The following TOX variants were observed in gnomAD, a reference collection of about 807,000 sequenced individuals.
The protein encoded by TOX is thymocyte selection-associated high mobility group box protein TOX.
In TOX, 11 loss-of-function variants were observed where a neutral mutation model predicts 53.7. The ratio of observed to expected loss-of-function variants is 0.20; its 90% CI spans 0.13 to 0.34. The LOEUF is 0.34. Ranked by LOEUF, TOX falls within the 10% of genes least tolerant of loss-of-function variation. TOX has a pLI of 1.00. For missense variants in TOX, 570 were observed against 664.6 expected (o/e 0.86, Z 1.56); for synonymous variants, 225 against 245.3 (o/e 0.92, Z 0.77).
chr8:58,864,449 G>C (rs1563373546), intron 3 of TOX, among the ~76,000 whole-genome samples: 1 of 152,126 alleles, frequency 6.6e-6, no homozygotes, highest in Non-Finnish European at 1.5e-5. Flanking sequence ...TATTAGCAGA[G>C]AGACCATTTC....
chr8:58,861,232 G>A (rs1171533666), intron 3 of TOX, among the ~76,000 whole-genome samples: 1 of 152,212 alleles, frequency 6.6e-6, no homozygotes, highest in Non-Finnish European at 1.5e-5. Flanking sequence ...GACATGAGAG[G>A]CTCACGGACT....
At chr8:59,060,049 T>G (rs1585994092) in intron 1 of TOX, among the ~76,000 whole-genome samples, 1 of 152,182 alleles carries the variant, frequency 6.6e-6, no homozygotes, top group South Asian at 2.1e-4. Flanking sequence ...CAAATACAAA[T>G]AAAGCATTTA....
intron 1 of TOX, among the ~76,000 whole-genome samples, chr8:59,056,853 C>T (rs1019327299): frequency 7.9e-5 from 12 of 152,210 alleles, no homozygotes; most frequent in African/African-American, 2.4e-4. Flanking sequence ...AGTCAGATCT[C>T]TCCGTTTTAA....
At chr8:58,926,961 A>G (rs945443215) in intron 3 of TOX, among the ~76,000 whole-genome samples, 11 of 152,210 alleles carry the variant, frequency 7.2e-5, no homozygotes, top group Non-Finnish European at 1.5e-4. Context: ...GAATGGACCT[A>G]CAACTTTAGG....
In TOX at chr8:58,982,567, T is replaced by C. The variant is rs569653735; in HGVS notation, c.103-22559A>G. 1.0e-3 allele frequency among the ~76,000 whole-genome samples: 156 copies of C among 152,324 alleles called. 1 individual carries two copies. The highest frequency in any genetic ancestry group is 1.8e-3 in the Non-Finnish European group (124 of 68,016). On this transcript the variant is annotated intron_variant, in intron 1 of 8. Coordinates refer to ENST00000361421, the MANE Select transcript of TOX (RefSeq NM_014729.3). The stretch of plus-strand genomic sequence containing the variant: ...CACTGAAGCTTCTAATTTAAGTATC[T>C]TATGAATCCTTCTCTATTCTTTGCA...
Position 59,045,173 on chromosome 8 carries a change from C to T in TOX, c.102+73713G>A, listed in dbSNP as rs1288484010. ...CTATTTACCTGTTCTTTTCTACTTT[C>T]CCATGATTCTCCTTTCTTAATTTTT... On this transcript the variant is annotated intron_variant, in intron 1 of 8. Transcript: ENST00000361421. 2.0e-5 allele frequency among the ~76,000 whole-genome samples: 3 copies of T among 152,058 alleles called. No individual in the cohort carries two copies. The East Asian group carries it at 5.8e-4, about 29-fold the overall frequency.
intron 3 of TOX, among the ~76,000 whole-genome samples, chr8:58,886,813 CTTTTATTTTATGTTTTATA>C (rs1333545378): frequency 3.3e-5 from 5 of 151,502 alleles, no homozygotes; most frequent in African/African-American, 7.3e-5. Context: ...TTTATATTTA[CTTTTATTTTATGTTTTATA>C]TTTTATTTTA....
chr8:58,964,454 T>C (rs1226334442), intron 1 of TOX, among the ~76,000 whole-genome samples: 1 of 152,114 alleles, frequency 6.6e-6, no homozygotes, highest in African/African-American at 2.4e-5. Flanking sequence ...ATCACTGCAC[T>C]GTCACAGCTC....
At chr8:58,946,026 A>C (rs1446518807) in intron 2 of TOX, among the ~76,000 whole-genome samples, 1 of 152,144 alleles carries the variant, frequency 6.6e-6, no homozygotes, top group Non-Finnish European at 1.5e-5. Flanking sequence ...ATACACTAAA[A>C]ATATGGCTAT....
intron 1 of TOX, among the ~76,000 whole-genome samples, chr8:58,965,321 A>G (rs1812874022): frequency 6.6e-6 from 1 of 152,216 alleles, no homozygotes; most frequent in South Asian, 2.1e-4. Context: ...GTCATTTATA[A>G]TCTTCTACTT....
intron 1 of TOX, among the ~76,000 whole-genome samples, chr8:59,025,394 A>T (rs1194182501): frequency 2.0e-5 from 3 of 152,150 alleles, no homozygotes; most frequent in Non-Finnish European, 4.4e-5. Flanking sequence ...ATCCAATATG[A>T]GACTGAGGCC....
intron 1 of TOX, among the ~76,000 whole-genome samples, chr8:58,963,308 T>TAGATAG (rs1487175518): frequency 1.0e-5 from 1 of 96,336 alleles, no homozygotes; most frequent in South Asian, 3.1e-4. Flanking sequence ...GATAGATAGA[T>TAGATAG]ATATATATAG....
chr8:59,018,401 G>A (rs1814054029), intron 1 of TOX, among the ~76,000 whole-genome samples: 1 of 152,156 alleles, frequency 6.6e-6, no homozygotes. Flanking sequence ...GCAACACAGA[G>A]GAGCTCTCAA....
rs934288070 is a variant in TOX at position 58,805,939 on chromosome 8, T to C, written c.*1808A>G. ...GTTTAATTCTGAGTGGATTACACAA[T>C]GCATATATTTGTATTTAGTTAAACT... is the stretch of plus-strand genomic sequence containing the variant. On this transcript the variant is annotated 3_prime_UTR_variant, in exon 9 of 9. Coordinates refer to ENST00000361421, the MANE Select transcript of TOX (RefSeq NM_014729.3). 1.3e-4 allele frequency: 20 copies of C among 152,670 alleles called. No individual in the cohort carries two copies. Among genetic ancestry groups the C allele is most frequent in the African/African-American group, 4.8e-4 (20 of 41,470 alleles). The allele number at this position is 152,670 out of a possible 1,614,324, so 9.5% of individuals were successfully genotyped here.
At chr8:59,064,371 T>C (rs1022793534) in intron 1 of TOX, among the ~76,000 whole-genome samples, 4 of 152,220 alleles carry the variant, frequency 2.6e-5, no homozygotes, top group African/African-American at 9.6e-5. Context: ...AAAATCACTT[T>C]AAGCAATTTT....
chr8:58,865,639 T>G (rs1811083739), intron 3 of TOX, among the ~76,000 whole-genome samples: 2 of 152,066 alleles, frequency 1.3e-5, no homozygotes, highest in Non-Finnish European at 2.9e-5. Flanking sequence ...CCTTCTTAAA[T>G]ATATTTTCGG....
chr8:59,109,379 A>G (rs1008487412), intron 1 of TOX, among the ~76,000 whole-genome samples: 1 of 152,182 alleles, frequency 6.6e-6, no homozygotes, highest in Non-Finnish European at 1.5e-5. Context: ...TCACACAAGT[A>G]GCTTGGAGTG....
intron 1 of TOX, among the ~76,000 whole-genome samples, chr8:58,998,588 ATATGTAATAAATT>A (rs1485110519): frequency 6.0e-5 from 8 of 132,514 alleles, no homozygotes; most frequent in African/African-American, 2.0e-4. Flanking sequence ...TAATAAATTT[ATATGTAATAAATT>A]TATGTAATAA....
intron 3 of TOX, among the ~76,000 whole-genome samples, chr8:58,905,077 C>T (rs574239991): frequency 4.6e-5 from 7 of 152,246 alleles, no homozygotes; most frequent in South Asian, 2.1e-4. Context: ...GGACTACAGG[C>T]GCGCGCCACC....
Sources: gnomAD v4.1 joint callset for allele counts (sites outside exome capture counted in the v4.1 genomes callset) on GRCh38, gnomAD v4.1.1 for gene constraint, MANE v1.5 for transcripts, NCBI Gene and HGNC (gene_info 2026-07-23, HGNC 2026-07-21) for gene names.